Variants in GLIS3 observed in about 807,000 individuals in gnomAD.
GLIS3 encodes GLIS family zinc finger 3, also known as zinc finger protein GLIS3.
In GLIS3, 53 loss-of-function variants were observed where a neutral mutation model predicts 78.6. That is an observed-to-expected ratio of 0.67 (90% CI 0.54 to 0.85). The LOEUF (loss-of-function observed/expected upper bound fraction) is 0.85, where lower values mean the gene tolerates loss of function less well. Among genes scored for constraint, GLIS3 ranks in the 40% least tolerant of loss-of-function variants. The pLI, the probability that GLIS3 is intolerant of heterozygous loss-of-function variation, is 0.00. For synonymous variants in GLIS3, 684 were observed against 509.9 expected (o/e 1.34, Z -4.60); for missense variants, 1,703 against 1,231.1 (o/e 1.38, Z -5.74).
chr9:3,832,400 G>T (rs10758483), intron 9 of GLIS3, among the ~76,000 whole-genome samples: 6 of 151,918 alleles, frequency 3.9e-5, no homozygotes, highest in African/African-American at 7.2e-5. Context: ...TGGCATACCC[G>T]CTGTTCCTAG....
chr9:4,266,620 A>G (rs1449773248), intron 2 of GLIS3, among the ~76,000 whole-genome samples: 3 of 151,344 alleles, frequency 2.0e-5, no homozygotes, highest in Non-Finnish European at 4.4e-5. Context: ...ACACACACAC[A>G]CACACACACA....
chr9:4,156,189 C>A (rs1835029847), intron 2 of GLIS3, among the ~76,000 whole-genome samples: 2 of 152,154 alleles, frequency 1.3e-5, no homozygotes, highest in Non-Finnish European at 2.9e-5. Context: ...CTCTTCCATT[C>A]TCTCACATGA....
chr9:4,158,306 T>G (rs1835194447), intron 2 of GLIS3, among the ~76,000 whole-genome samples: 1 of 152,202 alleles, frequency 6.6e-6, no homozygotes, highest in South Asian at 2.1e-4. Flanking sequence ...AAACACATGT[T>G]TGCCATATCC....
intron 2 of GLIS3, among the ~76,000 whole-genome samples, chr9:4,196,801 A>G (rs1028345932): frequency 1.3e-5 from 2 of 152,180 alleles, no homozygotes; most frequent in African/African-American, 2.4e-5. Flanking sequence ...TTTCGGACAC[A>G]CAACTACAGT....
At chr9:4,342,626 C>T (rs1010838990) in intron 2 of GLIS3, among the ~76,000 whole-genome samples, 7 of 152,152 alleles carry the variant, frequency 4.6e-5, no homozygotes, top group Admixed American at 3.3e-4. Flanking sequence ...TTTTCTAATT[C>T]TGTGAAGAAT....
chr9:4,169,322 G>A (rs926063379), intron 2 of GLIS3, among the ~76,000 whole-genome samples: 4 of 152,238 alleles, frequency 2.6e-5, no homozygotes, highest in African/African-American at 9.6e-5. Flanking sequence ...TAACCAGTTT[G>A]AACACCCTAA....
chr9:4,026,001 T>C (rs1306094402), intron 4 of GLIS3, among the ~76,000 whole-genome samples: 2 of 152,216 alleles, frequency 1.3e-5, no homozygotes, highest in Non-Finnish European at 2.9e-5. Context: ...GTAGAAGTCA[T>C]GATAGGGAAG....
chr9:4,253,573 C>T (rs935496140), intron 2 of GLIS3, among the ~76,000 whole-genome samples: 3 of 152,204 alleles, frequency 2.0e-5, no homozygotes, highest in Non-Finnish European at 4.4e-5. Flanking sequence ...CTGAGCTAGA[C>T]CACTTGTCTC....
At chr9:4,438,704 T>G in the GLIS3 span, among the ~76,000 whole-genome samples, 1 of 152,206 alleles carries the variant, frequency 6.6e-6, no homozygotes, top group Non-Finnish European at 1.5e-5. Context: ...GTTCTCATGG[T>G]AGTGAATAAG....
chr9:4,115,844 T>C (rs905621589), intron 4 of GLIS3, among the ~76,000 whole-genome samples: 6 of 152,178 alleles, frequency 3.9e-5, no homozygotes, highest in East Asian at 1.9e-4. Context: ...CGATACACTG[T>C]TAAATCATCA....
chr9:3,931,716 A>C (rs561784), intron 6 of GLIS3, among the ~76,000 whole-genome samples: 143,871 of 152,254 alleles, frequency 0.94, 68,469 homozygotes, highest in East Asian at 1. Context: ...GGTGGACAGG[A>C]TGGTTGGTCT....
At chr9:4,123,145 C>T (rs1416255483) in intron 3 of GLIS3, among the ~76,000 whole-genome samples, 1 of 152,050 alleles carries the variant, frequency 6.6e-6, no homozygotes, top group Non-Finnish European at 1.5e-5. Flanking sequence ...TATGAAACTT[C>T]ATAGATTTAT....
chr9:4,459,336 A>T, the GLIS3 span, among the ~76,000 whole-genome samples: 1 of 152,358 alleles, frequency 6.6e-6, no homozygotes, highest in East Asian at 1.9e-4. Flanking sequence ...AGGAGGTCTA[A>T]AGACTCAGCC....
chr9:4,019,683 C>G (rs550556436), intron 4 of GLIS3, among the ~76,000 whole-genome samples: 2 of 151,990 alleles, frequency 1.3e-5, no homozygotes, highest in Non-Finnish European at 2.9e-5. Context: ...TAAGGGAGAT[C>G]GACAATGTGA....
At chr9:4,061,624 A>T (rs1185357790) in intron 4 of GLIS3, among the ~76,000 whole-genome samples, 1 of 152,206 alleles carries the variant, frequency 6.6e-6, no homozygotes, top group Non-Finnish European at 1.5e-5. Context: ...ATATTAACAC[A>T]GTTTAGTGTA....
chr9:3,883,875 C>A (rs184233515), intron 7 of GLIS3, among the ~76,000 whole-genome samples: 2 of 152,312 alleles, frequency 1.3e-5, no homozygotes, highest in Admixed American at 1.3e-4. Flanking sequence ...GAAATAAAAT[C>A]CTGTTCTTGA....
chr9:3,858,028 G>A (rs960423907), intron 8 of GLIS3, among the ~76,000 whole-genome samples: 3 of 152,246 alleles, frequency 2.0e-5, no homozygotes, highest in East Asian at 3.9e-4. Flanking sequence ...AGATGGAGGC[G>A]GGAAGGATCT....
At chr9:4,250,470 AT>A (rs1663573011) in intron 2 of GLIS3, among the ~76,000 whole-genome samples, 1 of 151,940 alleles carries the variant, frequency 6.6e-6, no homozygotes, top group South Asian at 2.1e-4. Flanking sequence ...TATCCCCTTT[AT>A]CATTTTTTTA....
chr9:3,994,028 G>A (rs576783534), intron 4 of GLIS3, among the ~76,000 whole-genome samples: 368 of 152,216 alleles, frequency 2.4e-3, no homozygotes, highest in Non-Finnish European at 3.4e-3. Flanking sequence ...AGATTTCTGC[G>A]TCCCACCCTC....
Sources: allele counts gnomAD v4.1 joint callset (sites outside exome capture counted in the v4.1 genomes callset), GRCh38; gene constraint gnomAD v4.1.1; transcripts MANE v1.5; gene names NCBI Gene and HGNC (gene_info 2026-07-23, HGNC 2026-07-21).